The following CAST variants were observed in gnomAD, a reference collection of about 807,000 sequenced individuals.
CAST encodes calpastatin, also known as MIR583 host.
Under a neutral mutation model 119.6 loss-of-function variants are expected in CAST, and 76 were observed. The ratio of observed to expected loss-of-function variants is 0.64; its 90% CI spans 0.53 to 0.77. The LOEUF is 0.77. Ranked by LOEUF, CAST falls within the 30% of genes least tolerant of loss-of-function variation. The pLI is 0.00. For synonymous variants in CAST, 319 were observed against 331.6 expected, an observed-to-expected ratio of 0.96 and a Z score of 0.41; for missense variants, 953 against 946.5, an observed-to-expected ratio of 1.01 and a Z score of -0.09.
chr5:96,145,567 T>G, the CAST span, among the ~76,000 whole-genome samples: 2,894 of 152,200 alleles, frequency 0.019, 64 homozygotes, highest in African/African-American at 0.058. Flanking sequence ...GAGGGAAATA[T>G]TAGGAAAAGG....
At chr5:96,444,845 G>A in the CAST span, among the ~76,000 whole-genome samples, 1 of 152,024 alleles carries the variant, frequency 6.6e-6, no homozygotes, top group African/African-American at 2.4e-5. Flanking sequence ...TCATGGTAAA[G>A]ACATTCCTCC....
the CAST span, among the ~76,000 whole-genome samples, chr5:96,263,826 C>T: frequency 6.6e-6 from 1 of 152,114 alleles, no homozygotes; most frequent in Non-Finnish European, 1.5e-5. Context: ...AGAAGCAAGG[C>T]ACGTCTTACA....
chr5:96,651,392 T>C (rs956425289), intron 1 of CAST, among the ~76,000 whole-genome samples: 1 of 152,232 alleles, frequency 6.6e-6, no homozygotes, highest in African/African-American at 2.4e-5. Flanking sequence ...TGCTGGTTTT[T>C]TAAGACATCA....
At chr5:96,769,420 ACAC>A (rs1771391057) in intron 29 of CAST, 1 of 145,662 alleles carries the variant, frequency 6.9e-6, no homozygotes, top group African/African-American at 2.5e-5. Context: ...GCCTTTTGGT[ACAC>A]AAAAGCCAGT....
chr5:96,365,671 T>G, the CAST span, among the ~76,000 whole-genome samples: 12 of 152,242 alleles, frequency 7.9e-5, no homozygotes, highest in African/African-American at 2.9e-4. Flanking sequence ...GTTTTCCATT[T>G]GCTTGGAAGA....
intron 3 of CAST, among the ~76,000 whole-genome samples, chr5:96,696,461 T>TA (rs1298507289): frequency 6.6e-6 from 1 of 152,140 alleles, no homozygotes; most frequent in Non-Finnish European, 1.5e-5. Flanking sequence ...CTGGGTCTTA[T>TA]AAACTCCATC....
the CAST span, among the ~76,000 whole-genome samples, chr5:96,012,944 T>C: frequency 6.6e-6 from 1 of 152,128 alleles, no homozygotes; most frequent in Non-Finnish European, 1.5e-5. Flanking sequence ...CAGATCTGAG[T>C]AAGATGCAGA....
At chr5:96,203,716 A>T in the CAST span, among the ~76,000 whole-genome samples, 11 of 152,170 alleles carry the variant, frequency 7.2e-5, no homozygotes, top group Admixed American at 2.0e-4. Flanking sequence ...AAACTCATGG[A>T]TCACTTGATT....
At chr5:96,419,057 A>C in the CAST span, among the ~76,000 whole-genome samples, 1 of 152,084 alleles carries the variant, frequency 6.6e-6, no homozygotes, top group African/African-American at 2.4e-5. Flanking sequence ...TGTCCAAGCC[A>C]AATATCCTTG....
the CAST span, among the ~76,000 whole-genome samples, chr5:96,105,487 G>T: frequency 6.6e-6 from 1 of 152,198 alleles, no homozygotes; most frequent in African/African-American, 2.4e-5. Flanking sequence ...CATCTATTGA[G>T]ATAATCATGC....
chr5:96,303,912 G>A, the CAST span, among the ~76,000 whole-genome samples: 9 of 152,110 alleles, frequency 5.9e-5, no homozygotes, highest in Non-Finnish European at 1.2e-4. Flanking sequence ...ATAAACATAC[G>A]TGTGCTTAAG....
rs188836854 is a variant in CAST at position 96,632,075 on chromosome 5, G to A, written c.61-43464G>A. 2.5e-3 allele frequency among the ~76,000 whole-genome samples: 374 copies of A among 150,718 alleles called. 2 individuals are homozygous for A. The highest frequency in any genetic ancestry group is 4.0e-3 in the Non-Finnish European group (268 of 67,598). Reference sequence around the variant, plus strand: ...GCTATCCTAGTGGGTATGAAGTGATGTAGCATCATAATGACTAATTATGTT... The same window carrying A: ...GCTATCCTAGTGGGTATGAAGTGATATAGCATCATAATGACTAATTATGTT... On this transcript the variant is annotated intron_variant, in intron 1 of 11. Transcript: ENST00000505143.
At chr5:96,713,150 T>TTTTG (rs1756521005) in intron 3 of CAST, among the ~76,000 whole-genome samples, 1 of 150,962 alleles carries the variant, frequency 6.6e-6, no homozygotes, top group Non-Finnish European at 1.5e-5. Context: ...TTTTTTTTTT[T>TTTTG]GAGATGGAGG....
the CAST span, among the ~76,000 whole-genome samples, chr5:96,270,504 A>T: frequency 2.0e-5 from 3 of 152,100 alleles, no homozygotes; most frequent in African/African-American, 7.2e-5. Context: ...TAAAGACTTC[A>T]CCTATGGAAT....
At chr5:96,024,000 CAGCCA>C in the CAST span, among the ~76,000 whole-genome samples, 1 of 152,074 alleles carries the variant, frequency 6.6e-6, no homozygotes, top group African/African-American at 2.4e-5. Flanking sequence ...AGAGTAAGTT[CAGCCA>C]AGAAATGAAT....
chr5:96,768,078 T>TAGA, intron 29 of CAST, 79 bp downstream of exon 29: 1 of 930,270 alleles, frequency 1.1e-6, no homozygotes, highest in Non-Finnish European at 1.8e-6. Flanking sequence ...TATTTATTGA[T>TAGA]TGATCTATCT....
chr5:96,234,290 AG>A, the CAST span, among the ~76,000 whole-genome samples: 18 of 152,230 alleles, frequency 1.2e-4, no homozygotes, highest in African/African-American at 4.3e-4. Context: ...TGGGGCTGGA[AG>A]GAAGTGTTCA....
At position 96,750,839 on chromosome 5, in the gene CAST, G is replaced by A. The variant is rs1188394509; in HGVS notation, c.1524+157G>A. On this transcript the variant is annotated intron_variant, in intron 20 of 31. Coordinates refer to ENST00000675179, the MANE Select transcript of CAST (RefSeq NM_001750.7). ...GTATCTGTTGTTTCTTTGGGCTTCA[G>A]GGGTGTCGTAGAAATTCAGACTAAG... 2.0e-5 allele frequency among the ~76,000 whole-genome samples: 3 copies of A among 152,184 alleles called. No individual in the cohort carries two copies. In the East Asian group the frequency reaches 5.8e-4, roughly 29 times the overall value.
chr5:96,342,893 A>T, the CAST span, among the ~76,000 whole-genome samples: 1 of 152,190 alleles, frequency 6.6e-6, no homozygotes, highest in South Asian at 2.1e-4. Context: ...TTGGTACCGC[A>T]TAAGTTGATT....
Sources: gnomAD v4.1 joint callset for allele counts (sites outside exome capture counted in the v4.1 genomes callset) on GRCh38, gnomAD v4.1.1 for gene constraint, MANE v1.5 for transcripts, NCBI Gene and HGNC (gene_info 2026-07-23, HGNC 2026-07-21) for gene names.